CORO6: variants seen among roughly 807,000 people sequenced by gnomAD.
CORO6 encodes the protein coronin 6.
A neutral mutation model predicts 49.0 loss-of-function variants in CORO6; 43 were observed. That is an observed-to-expected ratio of 0.88 (90% CI 0.69 to 1.13). The LOEUF (loss-of-function observed/expected upper bound fraction) is 1.13, where lower values mean the gene tolerates loss of function less well. Ranked by LOEUF, CORO6 falls within the 50% of genes most tolerant of loss-of-function variation. The pLI is 0.00. For synonymous variants in CORO6, 233 were observed against 256.5 expected (o/e 0.91, Z 0.88); for missense variants, 650 against 647.0 (o/e 1.00, Z -0.05).
rs765017979 is a variant in CORO6 at position 29,617,062 on chromosome 17, G to T, written c.754-20C>A. 1.7e-5 allele frequency: 27 copies of T among 1,610,146 alleles called. No homozygotes were observed. In the East Asian group the frequency reaches 2.0e-4, roughly 12 times the overall value. ...GTTGTTCTGCCCGAGCACAGGAGGC[G>T]TGACCAGCCCTGCCCCACCCTCCCG... On this transcript the variant is annotated intron_variant, in intron 6 of 10. Coordinates refer to ENST00000388767, the MANE Select transcript of CORO6 (RefSeq NM_032854.4).
chr17:29,619,957 AT>A (rs889129267), intron 2 of CORO6, among the ~76,000 whole-genome samples, 184 bp from the exon 3 acceptor site: 2 of 152,182 alleles, frequency 1.3e-5, no homozygotes, highest in Non-Finnish European at 2.9e-5. Context: ...AAATAATTTA[AT>A]ATTAGGGACT....
Position 29,616,730 on chromosome 17 carries a change from G to C in CORO6, c.976C>G (p.Leu326Val), listed in dbSNP as rs1318628708. The change falls in exon 8 of 11, where the codon CTG (leucine) becomes GTG (valine). Residue 326 changes from leucine to valine, a missense_variant. Physicochemically the swap from Leu to Val is conservative, Grantham distance 32. Transcript: ENST00000388767. The surrounding 1 kb of genome is among the most constrained non-coding windows in gnomAD (Gnocchi z 5.6). ...RGMGFMPKRGLDVSKCEIARF... is the reference protein window; with the variant it reads ...RGMGFMPKRGVDVSKCEIARF... ...GCGATCTCACACTTGCTGACATCCA[G>C]TCCCCTTTTGGGCATGAAACCCATG... 11 of 1,613,332 alleles carry C rather than the reference G, an allele frequency of 6.8e-6. No individual in the cohort carries two copies. The East Asian group carries it at 2.5e-4, about 36-fold the overall frequency.
In CORO6 at chr17:29,615,816, G is replaced by A. The variant is rs1368197031; in HGVS notation, c.1335C>T (p.Ala445=). 3.2e-6 allele frequency: 5 copies of A among 1,577,380 alleles called. No individual in the cohort carries two copies. Among genetic ancestry groups the A allele is most frequent in the Non-Finnish European group, 4.3e-6 (5 of 1,162,890 alleles). The change falls in exon 11 of 11, where the codon GCC becomes GCT. Residue 445 remains alanine, a synonymous_variant. Coordinates refer to ENST00000388767, the MANE Select transcript of CORO6 (RefSeq NM_032854.4). Reference sequence around the variant, plus strand: ...CCTGGGCCTGCACCCGCTCGCGGAGGGCCTTGATCTCTTCCAGCAGCGTCT... The same window carrying A: ...CCTGGGCCTGCACCCGCTCGCGGAGAGCCTTGATCTCTTCCAGCAGCGTCT... ...TLETLLEEIK[A]LRERVQAQEQ... is the part of the protein sequence containing the mutation.
rs2035309798 is a variant in CORO6 at position 29,621,556 on chromosome 17, C to T, written c.-63-72G>A. The T allele has an allele frequency of 7.0e-7, 1 of 1,429,294 alleles. No individual in the cohort carries two copies. The highest frequency in any genetic ancestry group is 2.5e-5 in the East Asian group (1 of 39,760). The allele number at this position is 1,429,294 out of a possible 1,614,324, so 88.5% of individuals were successfully genotyped here. ...TGTGGTCAGGAGTCAGGTATAAATC[C>T]ATATAGTGTCTGGTCCTAGAAGCAG... On this transcript the variant is annotated intron_variant, in intron 1 of 10. Coordinates refer to ENST00000388767, the MANE Select transcript of CORO6 (RefSeq NM_032854.4). This position sits in a 1 kb window ranked among gnomAD's most constrained non-coding sequence, Gnocchi z 4.2.
Position 29,617,633 on chromosome 17 carries a change from G to T in CORO6, c.634-14C>A, listed in dbSNP as rs998150781. 16 of 1,579,930 alleles carry T rather than the reference G, an allele frequency of 1.0e-5. No individual in the cohort carries two copies. In the Admixed American group the frequency reaches 2.0e-4, roughly 20 times the overall value. On this transcript the variant is annotated splice_polypyrimidine_tract_variant and intron_variant, in intron 5 of 10. Transcript: ENST00000388767. Reference sequence around the variant, plus strand: ...CGCAAACCTCTCCTGGGGGGAGGGGGAGACAGGGAGGGACATCACCCAGCT... The same window carrying T: ...CGCAAACCTCTCCTGGGGGGAGGGGTAGACAGGGAGGGACATCACCCAGCT...
rs924814694 is a variant in CORO6, at chr17:29,616,418, C to T, written c.1005-82G>A. The T allele has an allele frequency of 1.2e-5, 16 of 1,360,582 alleles. No individual in the cohort carries two copies. In the Middle Eastern group the frequency reaches 5.3e-4, roughly 45 times the overall value. The allele number at this position is 1,360,582 out of a possible 1,614,324, so 84.3% of individuals were successfully genotyped here. A position where few individuals can be genotyped will look rare whatever the true frequency, so the allele number is the denominator to read the frequency against. On this transcript the variant is annotated intron_variant, in intron 8 of 10. Coordinates refer to ENST00000388767, the MANE Select transcript of CORO6 (RefSeq NM_032854.4). This position sits in a 1 kb window ranked among gnomAD's most constrained non-coding sequence, Gnocchi z 5.6. ...GTCTAAGACCAAGGGGGTTGGAGGC[C>T]AACACTTGCTCAGCGCCTACCATGC...
chr17:29,615,980 G>T lies in CORO6; in HGVS notation c.1258C>A (p.Arg420Ser), dbSNP rs539614410. The T allele has an allele frequency of 1.3e-6, 2 of 1,580,864 alleles. No individual in the cohort carries two copies. The highest frequency in any genetic ancestry group is 2.3e-5 in the East Asian group (1 of 43,632). Reference sequence around the variant, plus strand: ...GCGTCGCTGGCCGACTGGCTGCGGCGGGGGCCGGAGGGCGGGCGCACGTCC... The same window carrying T: ...GCGTCGCTGGCCGACTGGCTGCGGCTGGGGCCGGAGGGCGGGCGCACGTCC... ...ILDVRPPSGP[R>S]RSQSASDAPL... Residue 420 changes from arginine to serine, a missense_variant, in exon 10 of 11, where the codon CGC becomes AGC. Physicochemically the swap from Arg to Ser is moderately radical, Grantham distance 110. Transcript: ENST00000388767.
rs775673078 is a variant in CORO6 at position 29,615,819 on chromosome 17, C to A, written c.1332G>T (p.Lys444Asn). The A allele has an allele frequency of 1.9e-6, 3 of 1,579,922 alleles. No individual in the cohort carries two copies. The South Asian group carries it at 3.5e-5, about 18-fold the overall frequency. ...GGGCCTGCACCCGCTCGCGGAGGGC[C>A]TTGATCTCTTCCAGCAGCGTCTCCA... ...HTLETLLEEI[K>N]ALRERVQAQE... The change falls in exon 11 of 11, where the codon AAG becomes AAT. Residue 444 changes from lysine (K) to asparagine (N), a missense_variant. Transcript: ENST00000388767.
At chr17:29,618,571 G>C (rs1253451927) in intron 5 of CORO6, 3 of 1,391,022 alleles carry the variant, frequency 2.2e-6, no homozygotes, top group Non-Finnish European at 2.8e-6. Context: ...AGATGCAAGG[G>C]AGGGGAGGGA....
At chr17:29,619,795 T>C in intron 2 of CORO6, 22 bp from the exon 3 acceptor site, 1 of 1,599,734 alleles carries the variant, frequency 6.3e-7, no homozygotes. Flanking sequence ...GAGAAGAAGA[T>C]GTGGGGCTAC....
At chr17:29,617,452 G>T in intron 6 of CORO6, 48 bp downstream of exon 6, 1 of 1,573,214 alleles carries the variant, frequency 6.4e-7, no homozygotes, top group South Asian at 1.1e-5. Context: ...CCACTCTCCC[G>T]TGATGCCAGT....
Position 29,616,654 on chromosome 17 carries a change from T to TG in CORO6, c.1004+47dup. 1 of 1,595,596 alleles carries TG rather than the reference T, an allele frequency of 6.3e-7. No homozygotes were observed. On this transcript the variant is annotated intron_variant, in intron 8 of 10. Coordinates refer to ENST00000388767, the MANE Select transcript of CORO6 (RefSeq NM_032854.4). This position sits in a 1 kb window ranked among gnomAD's most constrained non-coding sequence, Gnocchi z 5.6. Reference sequence around the variant, plus strand: ...CCCCGTGGCTAGGACCCGACATGAGTGGGGGACAGAGGCGGGTAGGTGTTC... The same window carrying TG: ...CCCCGTGGCTAGGACCCGACATGAGTGGGGGGACAGAGGCGGGTAGGTGTTC...
At position 29,616,461 on chromosome 17, in the gene CORO6, CATT is replaced by C; in HGVS notation, c.1005-128_1005-126del. ...TACCATGCATATTGCACATTACACA[CATT>C]ATTGGTTCTGCAATAAAACACCCTG... On this transcript the variant is annotated intron_variant, in intron 8 of 10. Coordinates refer to ENST00000388767, the MANE Select transcript of CORO6 (RefSeq NM_032854.4). This position sits in a 1 kb window ranked among gnomAD's most constrained non-coding sequence, Gnocchi z 5.6. 1.0e-6 allele frequency: 1 copy of C among 966,294 alleles called. No individual in the cohort carries two copies. Among genetic ancestry groups the C allele is most frequent in the Non-Finnish European group, 1.5e-6 (1 of 651,918 alleles). The allele number at this position is 966,294 out of a possible 1,614,324, so 59.9% of individuals were successfully genotyped here.
At chr17:29,617,089 G>A (rs775878877) in intron 6 of CORO6, 47 bp from the exon 7 acceptor site, 12 of 1,593,398 alleles carry the variant, frequency 7.5e-6, no homozygotes, top group Non-Finnish European at 1.0e-5. Context: ...ACCCTCCCGT[G>A]CTACTTCGGG....
chr17:29,618,668 C>T (rs981416306), intron 5 of CORO6, 122 bp downstream of exon 5: 2 of 1,447,702 alleles, frequency 1.4e-6, no homozygotes, highest in Non-Finnish European at 1.8e-6. Flanking sequence ...GGGCTAGTCT[C>T]TGGAGCAGGG....
At position 29,615,452 on chromosome 17, in the gene CORO6, C is replaced by A; in HGVS notation, c.*280G>T. ...CGGAGGACAAAGGGGGACACCACCT[C>A]GCCGTGCAGCACCATTGCTGAGCCC... On this transcript the variant is annotated 3_prime_UTR_variant, in exon 11 of 11. Transcript: ENST00000388767. The A allele has an allele frequency of 2.6e-6, 1 of 389,442 alleles. No individual in the cohort carries two copies. 24.1% of individuals were successfully genotyped at this position (389,442 alleles called of 1,614,324 possible). A position where few individuals can be genotyped will look rare whatever the true frequency, so the allele number is the denominator to read the frequency against.
chr17:29,619,029 T>G, intron 4 of CORO6, 31 bp downstream of exon 4: 1 of 1,612,010 alleles, frequency 6.2e-7, no homozygotes, highest in Non-Finnish European at 8.5e-7. Context: ...CACCCACCCA[T>G]CTATGGGGGA....
intron 1 of CORO6, 140 bp downstream of exon 1, chr17:29,622,548 C>A: frequency 5.8e-6 from 2 of 344,904 alleles, no homozygotes; most frequent in South Asian, 2.7e-5. Context: ...GGCTGCTGTC[C>A]GGCCAAATAT....
In CORO6 at chr17:29,616,205, C is replaced by A. The variant is rs774290038; in HGVS notation, c.1063-30G>T. ...GGGGGTGGGTGGACAGGAGGACTTGCGTGAGAGGGTGCGGGGCTTGCTCCG... is the reference window on the plus strand; with the variant it reads ...GGGGGTGGGTGGACAGGAGGACTTGAGTGAGAGGGTGCGGGGCTTGCTCCG... On this transcript the variant is annotated intron_variant, in intron 9 of 10. Coordinates refer to ENST00000388767, the MANE Select transcript of CORO6 (RefSeq NM_032854.4). This position sits in a 1 kb window ranked among gnomAD's most constrained non-coding sequence, Gnocchi z 5.6. 3 of 1,610,110 alleles carry A rather than the reference C, an allele frequency of 1.9e-6. No homozygotes were observed. The highest frequency in any genetic ancestry group is 1.3e-5 in the African/African-American group (1 of 75,002).
Sources: gnomAD v4.1 joint callset for allele counts (sites outside exome capture counted in the v4.1 genomes callset) on GRCh38, gnomAD v4.1.1 for gene constraint, Gnocchi (gnomAD v3.1) non-coding constraint, MANE v1.5 for transcripts, NCBI Gene and HGNC (gene_info 2026-07-23, HGNC 2026-07-21) for gene names.